The following PLCL1 variants were observed in gnomAD, a reference collection of about 807,000 sequenced individuals.
PLCL1 encodes inactive phospholipase C-like protein 1.
A neutral mutation model predicts 84.4 loss-of-function variants in PLCL1; 41 were observed. That is an observed-to-expected ratio of 0.49 (90% CI 0.38 to 0.63). PLCL1 has a LOEUF of 0.63. PLCL1 is among the 30% of genes least tolerant of loss of function. The pLI, the probability that PLCL1 is intolerant of heterozygous loss-of-function variation, is 0.00. For synonymous variants in PLCL1, 490 were observed against 488.3 expected (o/e 1.00, Z -0.05); for missense variants, 1,206 against 1,367.8 (o/e 0.88, Z 1.87).
At chr2:198,049,419 T>C (rs1462407617) in intron 1 of PLCL1, among the ~76,000 whole-genome samples, 1 of 152,220 alleles carries the variant, frequency 6.6e-6, no homozygotes, top group East Asian at 1.9e-4. Context: ...GGAGTCTCTT[T>C]CCTTTTCAGA....
intron 1 of PLCL1, among the ~76,000 whole-genome samples, chr2:197,897,708 G>A (rs747130862): frequency 2.6e-5 from 4 of 152,276 alleles, no homozygotes; most frequent in South Asian, 2.1e-4. Flanking sequence ...AGGTGAATAT[G>A]CATTAAAGGA....
At chr2:198,105,972 A>C (rs1693464968) in intron 5 of PLCL1, among the ~76,000 whole-genome samples, 2 of 151,944 alleles carry the variant, frequency 1.3e-5, no homozygotes, top group Admixed American at 6.6e-5. Flanking sequence ...TGACAGCTAA[A>C]TGGGAGAAAA....
At chr2:198,030,456 A>AT (rs1437640060) in intron 1 of PLCL1, among the ~76,000 whole-genome samples, 1 of 152,180 alleles carries the variant, frequency 6.6e-6, no homozygotes, top group Non-Finnish European at 1.5e-5. Flanking sequence ...GGAAAGGAAG[A>AT]TAAAAAAGTT....
At chr2:198,044,764 C>A (rs947030114) in intron 1 of PLCL1, among the ~76,000 whole-genome samples, 4 of 152,116 alleles carry the variant, frequency 2.6e-5, no homozygotes, top group Non-Finnish European at 5.9e-5. Flanking sequence ...GAGATAGTCA[C>A]TCTTCACCTA....
chr2:198,017,700 T>G (rs1691031306), intron 1 of PLCL1, among the ~76,000 whole-genome samples: 1 of 152,246 alleles, frequency 6.6e-6, no homozygotes, highest in Non-Finnish European at 1.5e-5. Flanking sequence ...ATAAGAATGT[T>G]CTTAATGCTT....
intron 1 of PLCL1, among the ~76,000 whole-genome samples, chr2:197,992,175 T>C (rs1298678736): frequency 1.3e-5 from 2 of 152,150 alleles, no homozygotes; most frequent in Non-Finnish European, 2.9e-5. Flanking sequence ...CAACTTGTCA[T>C]TTAACATTAG....
chr2:197,957,125 T>A (rs1311922132), intron 1 of PLCL1, among the ~76,000 whole-genome samples: 2 of 152,068 alleles, frequency 1.3e-5, no homozygotes, highest in African/African-American at 2.4e-5. Context: ...CAGGCCTTTT[T>A]AAAAGCTTTT....
intron 1 of PLCL1, among the ~76,000 whole-genome samples, chr2:197,854,919 A>T (rs1687301711): frequency 6.6e-6 from 1 of 152,188 alleles, no homozygotes; most frequent in East Asian, 1.9e-4. Context: ...TCTGAAAATT[A>T]CATGTTTAAA....
chr2:198,129,384 A>T (rs1451803524), intron 5 of PLCL1, among the ~76,000 whole-genome samples: 1 of 152,108 alleles, frequency 6.6e-6, no homozygotes, highest in East Asian at 1.9e-4. Context: ...CTTTCTATTG[A>T]TTCCAGGTTT....
intron 5 of PLCL1, among the ~76,000 whole-genome samples, chr2:198,118,680 T>G (rs1020685577): frequency 6.6e-5 from 10 of 152,010 alleles, no homozygotes; most frequent in African/African-American, 2.2e-4. Flanking sequence ...AACAGTCTAA[T>G]CCCTGAATTG....
intron 3 of PLCL1, among the ~76,000 whole-genome samples, chr2:198,094,019 C>T (rs1693123818): frequency 6.6e-6 from 1 of 152,008 alleles, no homozygotes; most frequent in Non-Finnish European, 1.5e-5. Flanking sequence ...AATATTTCCT[C>T]CTGAGGGTTT....
At chr2:198,032,973 C>T (rs1033001190) in intron 1 of PLCL1, among the ~76,000 whole-genome samples, 8 of 152,100 alleles carry the variant, frequency 5.3e-5, no homozygotes, top group African/African-American at 1.4e-4. Context: ...ATCCCTAGCC[C>T]AGCTTCCTAA....
chr2:197,804,874 G>T lies in PLCL1; in HGVS notation c.-226G>T. ...CCACTCCCGCCACCGTCCCCCGCCGGACTGCTAGCCTCCTAGACCGAAGCC... is the reference window on the plus strand; with the variant it reads ...CCACTCCCGCCACCGTCCCCCGCCGTACTGCTAGCCTCCTAGACCGAAGCC... On this transcript the variant is annotated 5_prime_UTR_variant, in exon 1 of 6. Transcript: ENST00000428675. 1 of 427,314 alleles carries T rather than the reference G, an allele frequency of 2.3e-6. No homozygotes were observed. Among genetic ancestry groups the T allele is most frequent in the Non-Finnish European group, 4.1e-6 (1 of 243,944 alleles). 26.5% of individuals were successfully genotyped at this position (427,314 alleles called of 1,614,324 possible). A position where few individuals can be genotyped will look rare whatever the true frequency, so the allele number is the denominator to read the frequency against.
intron 1 of PLCL1, among the ~76,000 whole-genome samples, chr2:197,807,321 T>A (rs749668187): frequency 8.6e-6 from 1 of 115,608 alleles, no homozygotes; most frequent in Non-Finnish European, 1.8e-5. Flanking sequence ...GTGTCTATGA[T>A]GAACTATAGC....
intron 1 of PLCL1, among the ~76,000 whole-genome samples, chr2:198,063,859 A>G (rs559400169): frequency 1.3e-5 from 2 of 152,328 alleles, no homozygotes; most frequent in South Asian, 4.2e-4. Context: ...GTTCAGGCAG[A>G]AGCCTTATGT....
chr2:197,999,300 G>C (rs1031911900), intron 1 of PLCL1, among the ~76,000 whole-genome samples: 2 of 152,100 alleles, frequency 1.3e-5, no homozygotes, highest in East Asian at 1.9e-4. Flanking sequence ...GATTGAATGT[G>C]ATCTACATAC....
intron 1 of PLCL1, among the ~76,000 whole-genome samples, chr2:198,005,381 C>G (rs913786813): frequency 6.6e-6 from 1 of 152,240 alleles, no homozygotes; most frequent in African/African-American, 2.4e-5. Context: ...CATGCTCACT[C>G]TGTTGATGGC....
intron 1 of PLCL1, among the ~76,000 whole-genome samples, chr2:198,034,397 A>G (rs1691505006): frequency 6.6e-6 from 1 of 152,184 alleles, no homozygotes; most frequent in Non-Finnish European, 1.5e-5. Flanking sequence ...AGGATTATAA[A>G]TCATGCTGCT....
intron 1 of PLCL1, among the ~76,000 whole-genome samples, chr2:197,950,585 G>A (rs1689369598): frequency 6.6e-6 from 1 of 152,132 alleles, no homozygotes; most frequent in African/African-American, 2.4e-5. Flanking sequence ...TAGCCGTATT[G>A]TAACTCCTAG....
Sources: gnomAD v4.1 joint callset for allele counts (sites outside exome capture counted in the v4.1 genomes callset) on GRCh38, gnomAD v4.1.1 for gene constraint, MANE v1.5 for transcripts, NCBI Gene and HGNC (gene_info 2026-07-23, HGNC 2026-07-21) for gene names.